The following ULK4 variants were observed in gnomAD, a reference collection of about 807,000 sequenced individuals.
The protein encoded by ULK4 is unc-51 like kinase 4, also known as inactive serine/threonine-protein kinase ULK4.
Under a neutral mutation model 160.6 loss-of-function variants are expected in ULK4, and 133 were observed. The ratio of observed to expected loss-of-function variants is 0.83; its 90% CI spans 0.72 to 0.96. ULK4 has a LOEUF of 0.96. Among genes scored for constraint, ULK4 ranks in the 40% least tolerant of loss-of-function variants. ULK4 has a pLI of 0.00. For synonymous variants in ULK4, 534 were observed against 539.8 expected, an observed-to-expected ratio of 0.99 and a Z score of 0.15; for missense variants, 1,580 against 1,499.5, an observed-to-expected ratio of 1.05 and a Z score of -0.89.
At chr3:41,876,346 A>G (rs1265241980) in intron 17 of ULK4, among the ~76,000 whole-genome samples, 1 of 152,240 alleles carries the variant, frequency 6.6e-6, no homozygotes, top group African/African-American at 2.4e-5. Context: ...TGCCATACCA[A>G]ACTCAATAAC....
At chr3:41,732,411 A>G (rs189249187) in intron 22 of ULK4, among the ~76,000 whole-genome samples, 3 of 152,296 alleles carry the variant, frequency 2.0e-5, no homozygotes, top group East Asian at 1.9e-4. Flanking sequence ...AACCACAATG[A>G]GGTATCACCT....
At chr3:41,841,424 C>G (rs1349365118) in intron 17 of ULK4, among the ~76,000 whole-genome samples, 2 of 151,406 alleles carry the variant, frequency 1.3e-5, no homozygotes, top group African/African-American at 2.4e-5. Flanking sequence ...TGCCCGGCCG[C>G]CCCGTCTGGG....
intron 11 of ULK4, among the ~76,000 whole-genome samples, chr3:41,909,092 CAAAAAAAAAA>C (rs59762077): frequency 9.4e-6 from 1 of 106,354 alleles, no homozygotes; most frequent in Admixed American, 1.1e-4. Context: ...CACTCCATCT[CAAAAAAAAAA>C]AAAAAAAAAT....
At chr3:41,878,801 A>G (rs986264052) in intron 17 of ULK4, among the ~76,000 whole-genome samples, 2 of 152,068 alleles carry the variant, frequency 1.3e-5, no homozygotes, top group Admixed American at 6.6e-5. Context: ...GATCAACTTT[A>G]ACCCCTCTAA....
intron 18 of ULK4, among the ~76,000 whole-genome samples, chr3:41,823,361 G>C (rs796649483): frequency 5.3e-5 from 8 of 152,330 alleles, no homozygotes; most frequent in African/African-American, 1.9e-4. Context: ...AGGTTCTGAA[G>C]AGCCAGCCCA....
intron 25 of ULK4, among the ~76,000 whole-genome samples, chr3:41,710,409 T>G (rs1018523073): frequency 1.3e-5 from 2 of 152,264 alleles, no homozygotes; most frequent in South Asian, 4.1e-4. Context: ...ACCTGTCATT[T>G]GCACTGTTTC....
intron 25 of ULK4, among the ~76,000 whole-genome samples, chr3:41,714,852 T>TAAAAAAAAAAA (rs60470015): frequency 0.11 from 14,861 of 129,590 alleles, 944 homozygotes; most frequent in Middle Eastern, 0.2. Flanking sequence ...ACTCTGTCTT[T>TAAAAAAAAAAA]AAAAAAAAAA....
At chr3:41,357,707 T>C (rs1310572352) in intron 35 of ULK4, among the ~76,000 whole-genome samples, 1 of 152,182 alleles carries the variant, frequency 6.6e-6, no homozygotes, top group Non-Finnish European at 1.5e-5. Context: ...AGCATAGGTA[T>C]AGGTCTACTG....
At chr3:41,420,228 G>A (rs916509665) in intron 34 of ULK4, among the ~76,000 whole-genome samples, 1 of 151,908 alleles carries the variant, frequency 6.6e-6, no homozygotes, top group African/African-American at 2.4e-5. Context: ...AGGTTGGTGA[G>A]ATTATAATTA....
chr3:41,400,962 T>C (rs1350237040), intron 34 of ULK4, among the ~76,000 whole-genome samples: 3 of 152,216 alleles, frequency 2.0e-5, no homozygotes, highest in East Asian at 3.9e-4. Flanking sequence ...CACCTATTCA[T>C]GACTTTTGCC....
chr3:41,799,723 C>T lies in ULK4; in HGVS notation c.2010+409G>A, dbSNP rs142206606. ...CAAAAATACAAAAAAATAAGCCAGG[C>T]CTGGTGGTGCATGCCTGTAGTCCCA... On this transcript the variant is annotated intron_variant, in intron 20 of 36. Transcript: ENST00000301831. 6.3e-3 allele frequency among the ~76,000 whole-genome samples: 954 copies of T among 152,108 alleles called. 9 individuals carry two copies. The highest frequency in any genetic ancestry group is 0.022 in the African/African-American group (914 of 41,494).
In ULK4 at chr3:41,705,246, C is replaced by G. The variant is rs373871159; in HGVS notation, c.2686+8G>C. On this transcript the variant is annotated splice_region_variant and intron_variant, in intron 26 of 36. Coordinates refer to ENST00000301831, the MANE Select transcript of ULK4 (RefSeq NM_017886.4). ...ACAAAGACACAAAATGTTCCAGGGT[C>G]TACTCACCTATGGCTCCATCTATGT... The G allele has an allele frequency of 4.3e-6, 7 of 1,613,304 alleles. No individual in the cohort carries two copies. Among genetic ancestry groups the G allele is most frequent in the Admixed American group, 1.7e-5 (1 of 59,970 alleles).
At chr3:41,763,809 C>T (rs2125910619) in intron 21 of ULK4, among the ~76,000 whole-genome samples, 1 of 152,340 alleles carries the variant, frequency 6.6e-6, no homozygotes. Flanking sequence ...TACCAATTTA[C>T]TGTCCATCAA....
chr3:41,704,998 T>A, intron 27 of ULK4, 59 bp downstream of exon 27: 1 of 1,386,082 alleles, frequency 7.2e-7, no homozygotes, highest in South Asian at 1.3e-5. Flanking sequence ...GGCCTCTTTA[T>A]ATAAGGAATT....
At position 41,785,660 on chromosome 3, in the gene ULK4, C is replaced by G. The variant is rs1217545908; in HGVS notation, c.2193+4001G>C. Among the ~76,000 whole-genome samples, 3 of 152,196 alleles carry G rather than the reference C, an allele frequency of 2.0e-5. No homozygotes were observed. The East Asian group carries it at 5.8e-4, about 29-fold the overall frequency. On this transcript the variant is annotated intron_variant, in intron 21 of 36. Transcript: ENST00000301831. ...ATTTGCTCCTGGGTCTCTTCCTCTTCCACTCATTCTAACCTATCAACAATA... is the reference window on the plus strand; with the variant it reads ...ATTTGCTCCTGGGTCTCTTCCTCTTGCACTCATTCTAACCTATCAACAATA...
intron 32 of ULK4, among the ~76,000 whole-genome samples, chr3:41,503,562 T>TTTCC (rs2085281264): frequency 6.6e-6 from 1 of 152,228 alleles, no homozygotes; most frequent in Admixed American, 6.5e-5. Context: ...AAGACATAGA[T>TTTCC]TTCCATCTGC....
chr3:41,388,758 T>C (rs2081883467), intron 35 of ULK4, among the ~76,000 whole-genome samples: 1 of 152,128 alleles, frequency 6.6e-6, no homozygotes, highest in Non-Finnish European at 1.5e-5. Flanking sequence ...ACCAGTACCA[T>C]GCTGTTTTGG....
At chr3:41,703,510 G>A (rs1054929984) in intron 27 of ULK4, among the ~76,000 whole-genome samples, 1 of 151,796 alleles carries the variant, frequency 6.6e-6, no homozygotes, top group African/African-American at 2.4e-5. Context: ...TGATGCTAAC[G>A]CAGTATTTAA....
At chr3:41,658,735 A>ACACACACACACACTCT (rs1553628713) in intron 30 of ULK4, among the ~76,000 whole-genome samples, 4 of 131,350 alleles carry the variant, frequency 3.0e-5, no homozygotes, top group South Asian at 2.6e-4. Flanking sequence ...CAGTACACAC[A>ACACACACACACACTCT]CACACACACA....
Sources: gnomAD v4.1 joint callset for allele counts (sites outside exome capture counted in the v4.1 genomes callset) on GRCh38, gnomAD v4.1.1 for gene constraint, MANE v1.5 for transcripts, NCBI Gene and HGNC (gene_info 2026-07-23, HGNC 2026-07-21) for gene names.